Variants in CBLB observed in about 807,000 individuals in gnomAD.
The protein encoded by CBLB is E3 ubiquitin-protein ligase CBL-B.
CBLB carries 31 observed loss-of-function variants against 104.9 expected under a neutral mutation model. The observed-to-expected ratio is 0.30, with a 90% CI of 0.22 to 0.40. The LOEUF (loss-of-function observed/expected upper bound fraction) is 0.40, where lower values mean the gene tolerates loss of function less well. CBLB is among the 10% of genes least tolerant of loss of function. The pLI, the probability that CBLB is intolerant of heterozygous loss-of-function variation, is 1.00. For synonymous variants in CBLB, 440 were observed against 422.6 expected (o/e 1.04, Z -0.51); for missense variants, 1,062 against 1,214.6 (o/e 0.87, Z 1.87).
intron 4 of CBLB, among the ~76,000 whole-genome samples, chr3:105,753,295 G>A (rs1439592581): frequency 6.6e-6 from 1 of 151,842 alleles, no homozygotes; most frequent in East Asian, 1.9e-4. Context: ...GAGAACTGAG[G>A]AGAGATACCA....
At chr3:105,676,363 C>G (rs1438515559) in intron 17 of CBLB, among the ~76,000 whole-genome samples, 4 of 151,568 alleles carry the variant, frequency 2.6e-5, no homozygotes, top group African/African-American at 9.7e-5. Context: ...TAACTAAAAC[C>G]TTTTACAATT....
chr3:105,865,328 T>C (rs745756746), intron 2 of CBLB, among the ~76,000 whole-genome samples: 6 of 152,184 alleles, frequency 3.9e-5, no homozygotes, highest in Non-Finnish European at 7.4e-5. Flanking sequence ...ATGCAATTTC[T>C]CTCCACAAAG....
chr3:105,776,434 T>C lies in CBLB; in HGVS notation c.528A>G (p.Ala176=), dbSNP rs2079472285. The C allele has an allele frequency of 6.2e-7, 1 of 1,613,706 alleles. No individual in the cohort carries two copies. Among genetic ancestry groups the C allele is most frequent in the Non-Finnish European group, 8.5e-7 (1 of 1,179,882 alleles). The change falls in exon 4 of 19, where the codon GCA becomes GCG. Residue 176 remains alanine (A), a synonymous_variant. Transcript: ENST00000394030. Reference sequence around the variant, plus strand: ...ACTTTCTCCAGAATTCAGCAGCATCTGCTTTTGTGATACGAAAGTTATCTC... The same window carrying C: ...ACTTTCTCCAGAATTCAGCAGCATCCGCTTTTGTGATACGAAAGTTATCTC... The part of the protein sequence containing the change: ...FQGDNFRITK[A]DAAEFWRKFF...
intron 10 of CBLB, among the ~76,000 whole-genome samples, chr3:105,718,355 T>C (rs1373637351): frequency 6.6e-6 from 1 of 152,162 alleles, no homozygotes; most frequent in Non-Finnish European, 1.5e-5. Context: ...AGTAGCCATG[T>C]TGGTGATGTT....
intron 18 of CBLB, among the ~76,000 whole-genome samples, chr3:105,664,416 G>A (rs2064144895): frequency 6.6e-6 from 1 of 152,148 alleles, no homozygotes; most frequent in African/African-American, 2.4e-5. Context: ...AAATGGAACT[G>A]AGATAGAATT....
chr3:105,752,126 T>C (rs2076646780), intron 4 of CBLB, among the ~76,000 whole-genome samples: 1 of 152,240 alleles, frequency 6.6e-6, no homozygotes, highest in Admixed American at 6.5e-5. Context: ...CCTGATGTTT[T>C]CTGCAGAGAT....
chr3:105,769,317 T>TAA (rs35906059), intron 4 of CBLB, among the ~76,000 whole-genome samples: 1 of 146,124 alleles, frequency 6.8e-6, no homozygotes. Flanking sequence ...AAACTCCACC[T>TAA]AAAAAAAAAA....
intron 4 of CBLB, among the ~76,000 whole-genome samples, chr3:105,761,058 G>A (rs912985460): frequency 6.6e-6 from 1 of 151,972 alleles, no homozygotes; most frequent in African/African-American, 2.4e-5. Flanking sequence ...TTTGTGGCAG[G>A]GTCTCATTCT....
chr3:105,669,333 C>T (rs2064822104), intron 18 of CBLB, among the ~76,000 whole-genome samples: 1 of 152,212 alleles, frequency 6.6e-6, no homozygotes, highest in Non-Finnish European at 1.5e-5. Flanking sequence ...TCCCAGAGCA[C>T]TCCCTTGCCC....
Position 105,657,096 on chromosome 3 carries a change from C to A in CBLB, c.*1874G>T, listed in dbSNP as rs1361600461. 1 of 226,748 alleles carries A rather than the reference C, an allele frequency of 4.4e-6. No individual in the cohort carries two copies. The highest frequency in any genetic ancestry group is 2.2e-5 in the African/African-American group (1 of 44,968). The allele number at this position is 226,748 out of a possible 1,614,324, so 14.0% of individuals were successfully genotyped here. ...AAATTCATACAAAAGCAGAAATTAC[C>A]CAAGGCCTGTGAGTCCTCATCTCAT... On this transcript the variant is annotated 3_prime_UTR_variant, in exon 19 of 19. Transcript: ENST00000394030.
intron 4 of CBLB, among the ~76,000 whole-genome samples, chr3:105,767,562 C>CTTTTTTTTT (rs34794014): frequency 7.1e-6 from 1 of 141,144 alleles, no homozygotes; most frequent in African/African-American, 2.6e-5. Flanking sequence ...CTTTTTCTTT[C>CTTTTTTTTT]TTTTTTTTTT....
rs1037716071 is a variant in CBLB at position 105,816,627 on chromosome 3, T to C, written c.419+36787A>G. 9.2e-5 allele frequency among the ~76,000 whole-genome samples: 14 copies of C among 152,234 alleles called. 2 individuals are homozygous for C. The highest frequency in any genetic ancestry group is 1.9e-4 in the East Asian group (1 of 5,180). Reference sequence around the variant, plus strand: ...GTATTTTTAGAACTACAGGAGTAAATAGTGCATAAAGTAAGTTCTACTTTA... The same window carrying C: ...GTATTTTTAGAACTACAGGAGTAAACAGTGCATAAAGTAAGTTCTACTTTA... On this transcript the variant is annotated intron_variant, in intron 3 of 18. Transcript: ENST00000394030.
chr3:105,798,001 C>A (rs558371100), intron 3 of CBLB, among the ~76,000 whole-genome samples: 1 of 152,280 alleles, frequency 6.6e-6, no homozygotes, highest in South Asian at 2.1e-4. Flanking sequence ...TGCTCAGGAG[C>A]CATATGAAGG....
intron 10 of CBLB, among the ~76,000 whole-genome samples, chr3:105,707,293 TTGAAGA>T (rs2152798511): frequency 6.6e-6 from 1 of 152,330 alleles, no homozygotes; most frequent in African/African-American, 2.4e-5. Flanking sequence ...TACTGTCCTT[TTGAAGA>T]ATTAATTCAT....
At chr3:105,706,133 C>A (rs991652888) in intron 10 of CBLB, among the ~76,000 whole-genome samples, 6 of 151,954 alleles carry the variant, frequency 3.9e-5, no homozygotes, top group Non-Finnish European at 5.9e-5. Flanking sequence ...CAGAGCAAGA[C>A]CCTGTCTCTA....
chr3:105,764,589 C>G (rs773072311), intron 4 of CBLB, among the ~76,000 whole-genome samples: 3 of 152,150 alleles, frequency 2.0e-5, no homozygotes, highest in Non-Finnish European at 4.4e-5. Context: ...TAAGACACAA[C>G]AACACTGAAA....
chr3:105,754,399 AGAT>A (rs1383980256), intron 4 of CBLB, among the ~76,000 whole-genome samples: 2 of 151,998 alleles, frequency 1.3e-5, no homozygotes, highest in Non-Finnish European at 2.9e-5. Flanking sequence ...CTTCCTTTAG[AGAT>A]GAAGCAAATG....
chr3:105,821,348 C>A (rs149604481), intron 3 of CBLB, among the ~76,000 whole-genome samples: 1 of 152,050 alleles, frequency 6.6e-6, no homozygotes, highest in Non-Finnish European at 1.5e-5. Context: ...TCTTTCAATG[C>A]CGAACAGTTC....
At chr3:105,853,777 C>A (rs538366921) in intron 2 of CBLB, 113 bp from the exon 3 acceptor site, 8 of 720,404 alleles carry the variant, frequency 1.1e-5, no homozygotes, top group South Asian at 1.8e-5. Flanking sequence ...AAATAATGAT[C>A]TTAACTTACT....
Sources: gnomAD v4.1 joint callset for allele counts (sites outside exome capture counted in the v4.1 genomes callset) on GRCh38, gnomAD v4.1.1 for gene constraint, MANE v1.5 for transcripts, NCBI Gene and HGNC (gene_info 2026-07-23, HGNC 2026-07-21) for gene names.